PSD3: variants seen among roughly 807,000 people sequenced by gnomAD.
PSD3 encodes pleckstrin and Sec7 domain containing 3, also known as PH and SEC7 domain-containing protein 3.
A neutral mutation model predicts 105.5 loss-of-function variants in PSD3; 49 were observed. The ratio of observed to expected loss-of-function variants is 0.46; its 90% CI spans 0.37 to 0.59. The LOEUF is 0.59. Among genes scored for constraint, PSD3 ranks in the 20% least tolerant of loss-of-function variants. The probability of loss-of-function intolerance (pLI) is 0.00; values close to 1 mark genes in which losing one functional copy is unlikely to be tolerated. For missense variants in PSD3, 1,561 were observed against 1,263.8 expected (o/e 1.24, Z -3.57); for synonymous variants, 557 against 457.8 (o/e 1.22, Z -2.77).
chr8:18,899,172 A>T (rs1401215249), intron 2 of PSD3, among the ~76,000 whole-genome samples: 1 of 152,086 alleles, frequency 6.6e-6, no homozygotes, highest in Non-Finnish European at 1.5e-5. Flanking sequence ...ATTTTGAAGC[A>T]CTCATCTCCA....
rs149357279 is a variant in PSD3 at position 18,555,326 on chromosome 8, G to C, written c.2928+883C>G. On this transcript the variant is annotated intron_variant, in intron 15 of 15. Transcript: ENST00000327040. ...AATTTCAAGCCTGAGGAGGAAATCAGATAAGATGAAAACAAAGGAGAGGAA... is the reference window on the plus strand; with the variant it reads ...AATTTCAAGCCTGAGGAGGAAATCACATAAGATGAAAACAAAGGAGAGGAA... 1.3e-3 allele frequency among the ~76,000 whole-genome samples: 198 copies of C among 151,694 alleles called. 1 individual carries two copies. The highest frequency in any genetic ancestry group is 4.7e-3 in the African/African-American group (194 of 41,372).
At chr8:18,717,881 G>A (rs1241485366) in intron 9 of PSD3, among the ~76,000 whole-genome samples, 1 of 151,764 alleles carries the variant, frequency 6.6e-6, no homozygotes, top group Non-Finnish European at 1.5e-5. Context: ...TCTCTGCGGT[G>A]AGACTTGGTA....
chr8:18,937,874 T>C (rs1369143348), intron 1 of PSD3, among the ~76,000 whole-genome samples: 5 of 152,084 alleles, frequency 3.3e-5, no homozygotes, highest in African/African-American at 1.2e-4. Flanking sequence ...ATGAGAAATA[T>C]GACAGGCTGG....
intron 9 of PSD3, among the ~76,000 whole-genome samples, chr8:18,677,990 G>A (rs756989023): frequency 1.4e-3 from 194 of 139,444 alleles, no homozygotes; most frequent in Middle Eastern, 3.8e-3. Flanking sequence ...AGCCTGGGCA[G>A]CAGAGCGAGA....
At chr8:18,641,974 TA>T (rs1052540461) in intron 10 of PSD3, among the ~76,000 whole-genome samples, 1 of 152,180 alleles carries the variant, frequency 6.6e-6, no homozygotes, top group African/African-American at 2.4e-5. Flanking sequence ...TTCTATTCTC[TA>T]AAAATACCTT....
chr8:18,565,937 G>T (rs35454369), intron 14 of PSD3, among the ~76,000 whole-genome samples: 72,280 of 151,896 alleles, frequency 0.48, 18,681 homozygotes, highest in Non-Finnish European at 0.59. Context: ...AATTCACAGA[G>T]GCCCTCACGA....
chr8:18,735,680 C>A (rs758022160), intron 9 of PSD3, among the ~76,000 whole-genome samples: 3 of 152,034 alleles, frequency 2.0e-5, no homozygotes, highest in African/African-American at 7.3e-5. Context: ...ATGAATCAGA[C>A]AAGGACTAAG....
intron 10 of PSD3, among the ~76,000 whole-genome samples, chr8:18,636,092 A>G (rs929546976): frequency 5.9e-5 from 9 of 152,166 alleles, no homozygotes; most frequent in African/African-American, 1.9e-4. Context: ...ATAGGAGATG[A>G]CAGCTTCATG....
chr8:18,596,228 C>G (rs1804086116), intron 12 of PSD3, among the ~76,000 whole-genome samples: 1 of 151,226 alleles, frequency 6.6e-6, no homozygotes, highest in African/African-American at 2.4e-5. Context: ...AACAATATGC[C>G]AAAACTTGTG....
At chr8:18,658,179 G>A (rs191521888) in intron 9 of PSD3, among the ~76,000 whole-genome samples, 74 of 152,306 alleles carry the variant, frequency 4.9e-4, no homozygotes, top group Admixed American at 1.5e-3. Flanking sequence ...AATCCAGACA[G>A]TGGGTGTCAT....
At chr8:18,829,969 T>G (rs886368343) in intron 4 of PSD3, among the ~76,000 whole-genome samples, 2 of 152,172 alleles carry the variant, frequency 1.3e-5, no homozygotes, top group Non-Finnish European at 2.9e-5. Flanking sequence ...TAACTTTATT[T>G]TATTTTATTT....
intron 10 of PSD3, among the ~76,000 whole-genome samples, chr8:18,634,041 T>C (rs542033668): frequency 6.6e-6 from 1 of 152,194 alleles, no homozygotes; most frequent in Admixed American, 6.6e-5. Flanking sequence ...TTTTTCATGT[T>C]TGTTGGCCAT....
chr8:18,733,052 G>A (rs2129431973), intron 9 of PSD3: 1 of 152,118 alleles, frequency 6.6e-6, no homozygotes, highest in Non-Finnish European at 1.5e-5. Flanking sequence ...ACGGACAGCA[G>A]CGTTGGTTAC....
chr8:18,698,697 A>G (rs1801402437), intron 9 of PSD3, among the ~76,000 whole-genome samples: 2 of 152,328 alleles, frequency 1.3e-5, no homozygotes, highest in African/African-American at 4.8e-5. Context: ...TACAGTAGCA[A>G]TAGCAAACAG....
intron 8 of PSD3, among the ~76,000 whole-genome samples, chr8:18,773,414 C>G (rs1007043086): frequency 3.3e-5 from 5 of 151,868 alleles, no homozygotes; most frequent in Admixed American, 6.6e-5. Flanking sequence ...AAATAACATA[C>G]GAGTACTCTA....
chr8:18,801,374 A>C lies in PSD3; in HGVS notation c.1919T>G (p.Phe640Cys). 6.3e-7 allele frequency: 1 copy of C among 1,580,772 alleles called. No individual in the cohort carries two copies. The highest frequency in any genetic ancestry group is 1.1e-5 in the South Asian group (1 of 89,044). Residue 640 changes from phenylalanine to cysteine, a missense_variant, in exon 7 of 16, where the codon TTT (phenylalanine) becomes TGT (cysteine). Coordinates refer to ENST00000327040, the MANE Select transcript of PSD3 (RefSeq NM_015310.4). ...MTLDQSLRYF[F>C]KAFSLVGETQ... is the part of the protein sequence containing the mutation. Reference sequence around the variant, plus strand: ...TTCTCCCACAAGAGAGAATGCTTTAAAGAAATACCTACAAGAGAATTAAAA... The same window carrying C: ...TTCTCCCACAAGAGAGAATGCTTTACAGAAATACCTACAAGAGAATTAAAA...
Position 18,600,415 on chromosome 8 carries a change from T to A in PSD3, c.2430A>T (p.Gly810=), listed in dbSNP as rs773977177. The part of the protein sequence containing the change: ...DGKKTPRGKR[G]WKTFYAVLKG... Reference sequence around the variant, plus strand: ...TCAGTACAGCATAAAAGGTTTTCCATCCTCGTTTTCCTCTTGGAGCTAGAA... The same window carrying A: ...TCAGTACAGCATAAAAGGTTTTCCAACCTCGTTTTCCTCTTGGAGCTAGAA... The change falls in exon 12 of 16, where the codon GGA becomes GGT. Residue 810 remains glycine (G), a synonymous_variant. Transcript: ENST00000327040. 6.2e-7 allele frequency: 1 copy of A among 1,604,352 alleles called. No individual in the cohort carries two copies. Among genetic ancestry groups the A allele is most frequent in the Non-Finnish European group, 8.5e-7 (1 of 1,177,478 alleles).
At position 18,572,569 on chromosome 8, in the gene PSD3, T is replaced by C; in HGVS notation, c.2743A>G (p.Ser915Gly). 6.2e-7 allele frequency: 1 copy of C among 1,614,066 alleles called. No homozygotes were observed. Among genetic ancestry groups the C allele is most frequent in the Non-Finnish European group, 8.5e-7 (1 of 1,179,936 alleles). ...GTAGTGGCAGGCAGAAGTGGGCGGC[T>C]AAACTTCTTCTGAGAGCCGATTGCT... Reference protein sequence around the residue: ...PAAIGSQKKFSRPLLPATTTK... With the variant: ...PAAIGSQKKFGRPLLPATTTK... Residue 915 changes from serine to glycine, a missense_variant, in exon 14 of 16, where the codon AGC becomes GGC. Ser to Gly is a moderately conservative substitution (Grantham distance 56, BLOSUM62 0). Coordinates refer to ENST00000327040, the MANE Select transcript of PSD3 (RefSeq NM_015310.4).
intron 2 of PSD3, among the ~76,000 whole-genome samples, chr8:18,906,140 T>G (rs868212080): frequency 2.2e-4 from 34 of 152,174 alleles, no homozygotes; most frequent in African/African-American, 8.0e-4. Context: ...TGGTTTTCTT[T>G]GAGAAAGACA....
Sources: gnomAD v4.1 joint callset for allele counts (sites outside exome capture counted in the v4.1 genomes callset) on GRCh38, gnomAD v4.1.1 for gene constraint, MANE v1.5 for transcripts, NCBI Gene and HGNC (gene_info 2026-07-23, HGNC 2026-07-21) for gene names.